The following FANCD2 variants were observed in gnomAD, a reference collection of about 807,000 sequenced individuals.
FANCD2 encodes FA complementation group D2.
In FANCD2, 131 loss-of-function variants were observed where a neutral mutation model predicts 192.3. The ratio of observed to expected loss-of-function variants is 0.68; its 90% confidence interval spans 0.59 to 0.79. The LOEUF (loss-of-function observed/expected upper bound fraction) is 0.79. Among genes scored for constraint, FANCD2 ranks in the 30% least tolerant of loss-of-function variants. The pLI, the probability that FANCD2 is intolerant of heterozygous loss-of-function variation, is 0.00. For synonymous variants in FANCD2, 524 were observed against 612.5 expected (o/e 0.86, Z 2.13); for missense variants, 1,508 against 1,701.6 (o/e 0.89, Z 2.00).
At chr3:10,101,098 G>T in intron 43 of FANCD2, 90 bp from the exon 44 acceptor site, 4 of 958,098 alleles carry the variant, frequency 4.2e-6, no homozygotes, top group Non-Finnish European at 6.7e-6. Context: ...AGTGATAATA[G>T]TACAGTTGTG....
At chr3:10,094,264 G>A (rs770626548) in intron 39 of FANCD2, 25 bp from the exon 40 acceptor site, 5 of 1,598,250 alleles carry the variant, frequency 3.1e-6, no homozygotes, top group Non-Finnish European at 4.3e-6. Flanking sequence ...TCAGCTAGAG[G>A]TAACAGTGTG....
At chr3:10,069,553 A>G (rs1009388407) in intron 26 of FANCD2, among the ~76,000 whole-genome samples, 51 of 145,136 alleles carry the variant, frequency 3.5e-4, no homozygotes, top group Admixed American at 2.1e-3. Flanking sequence ...GCTCACTGCA[A>G]CCTCCCTGCC....
At chr3:10,059,186 G>A (rs2087494046) in intron 18 of FANCD2, among the ~76,000 whole-genome samples, 1 of 151,848 alleles carries the variant, frequency 6.6e-6, no homozygotes, top group South Asian at 2.1e-4. Flanking sequence ...GCTAATTTTT[G>A]TATTTTCTAT....
In FANCD2 at chr3:10,087,279, TCC is replaced by T. The variant is rs77192427; in HGVS notation, c.3466+16_3466+17del. 2.6e-6 allele frequency: 4 copies of T among 1,512,126 alleles called. No homozygotes were observed. Among genetic ancestry groups the T allele is most frequent in the Admixed American group, 1.9e-5 (1 of 52,426 alleles). 93.7% of individuals were successfully genotyped at this position (1,512,126 alleles called of 1,614,324 possible). ...AGAAAAAATTGGTGATGGGCCTAGA[TCC>T]TTTTTTTTTTTTTTTTTTTAATGAA... On this transcript the variant is annotated intron_variant, in intron 34 of 43. Coordinates refer to ENST00000675286, the MANE Select transcript of FANCD2 (RefSeq NM_001018115.3).
At chr3:10,053,362 A>G (rs1575770272) in intron 18 of FANCD2, among the ~76,000 whole-genome samples, 1 of 119,260 alleles carries the variant, frequency 8.4e-6, no homozygotes, top group Non-Finnish European at 1.6e-5. Context: ...GGAACATCAC[A>G]CTCTGGGGAC....
intron 17 of FANCD2, among the ~76,000 whole-genome samples, chr3:10,051,539 A>T (rs2087217485): frequency 6.6e-6 from 1 of 152,112 alleles, no homozygotes; most frequent in African/African-American, 2.4e-5. Context: ...TTGAATTATA[A>T]GGGTGGAAGC....
Position 10,071,301 on chromosome 3 carries a change from A to G in FANCD2, c.2495-1570A>G, listed in dbSNP as rs117017234. Among the ~76,000 whole-genome samples the G allele has an allele frequency of 3.0e-3, 452 of 152,342 alleles. 7 individuals carry two copies. In the East Asian group the frequency reaches 0.033, roughly 11 times the overall value. ...GTTTGGAGTTTCCTCAAAAAACTAAAAATAGAATCACCATATGATCCAGGA... is the reference window on the plus strand; with the variant it reads ...GTTTGGAGTTTCCTCAAAAAACTAAGAATAGAATCACCATATGATCCAGGA... On this transcript the variant is annotated intron_variant, in intron 26 of 43. Transcript: ENST00000675286.
intron 36 of FANCD2, among the ~76,000 whole-genome samples, chr3:10,089,961 A>C (rs1208613373): frequency 6.6e-6 from 1 of 152,204 alleles, no homozygotes; most frequent in Non-Finnish European, 1.5e-5. Flanking sequence ...ACTGCTGAGG[A>C]AAATGAGAGC....
At chr3:10,043,181 C>G in intron 12 of FANCD2, 31 bp downstream of exon 12, 1 of 1,549,934 alleles carries the variant, frequency 6.5e-7, no homozygotes, top group Non-Finnish European at 8.9e-7. Context: ...CAGGATGTCA[C>G]AATTTTCTGA....
intron 32 of FANCD2, among the ~76,000 whole-genome samples, chr3:10,082,388 G>A (rs2125062134): frequency 6.6e-6 from 1 of 152,206 alleles, no homozygotes; most frequent in Admixed American, 6.5e-5. Context: ...GCCTCTCTCA[G>A]TCCATTCTTC....
chr3:10,034,347 A>AAAATT, intron 3 of FANCD2, 122 bp from the exon 4 acceptor site: 2 of 639,552 alleles, frequency 3.1e-6, no homozygotes, highest in South Asian at 1.6e-5. Context: ...AAAAAAAAAG[A>AAAATT]TTTGTCTCTG....
At chr3:10,057,977 T>G (rs2087461899) in intron 18 of FANCD2, 1 of 397,652 alleles carries the variant, frequency 2.5e-6, no homozygotes, top group Admixed American at 3.0e-5. Flanking sequence ...CAATTATTAC[T>G]CATTAGTAGC....
chr3:10,054,064 T>C (rs2087300709), intron 18 of FANCD2, among the ~76,000 whole-genome samples: 2 of 151,530 alleles, frequency 1.3e-5, no homozygotes, highest in African/African-American at 4.9e-5. Context: ...ATAGAAAAAT[T>C]AGCCAGGTGT....
chr3:10,094,112 A>G lies in FANCD2; in HGVS notation c.3889-177A>G, dbSNP rs56061908. On this transcript the variant is annotated intron_variant, in intron 39 of 43. Coordinates refer to ENST00000675286, the MANE Select transcript of FANCD2 (RefSeq NM_001018115.3). ...ATTCTGGGGCTTAGTTAACAGGCCT[A>G]TTTGATTTTTGTATTAAGTTACATT... is the stretch of plus-strand genomic sequence containing the variant. Among the ~76,000 whole-genome samples the G allele has an allele frequency of 6.8e-3, 1,041 of 152,276 alleles. 6 individuals are homozygous for G. Among genetic ancestry groups the G allele is most frequent in the Admixed American group, 8.2e-3 (125 of 15,300 alleles).
intron 5 of FANCD2, 58 bp from the exon 6 acceptor site, chr3:10,035,115 A>G: frequency 2.1e-6 from 3 of 1,398,636 alleles, no homozygotes; most frequent in Admixed American, 1.7e-5. Context: ...AGAAAAGATG[A>G]TAAAAGCATT....
chr3:10,100,930 G>A lies in FANCD2; in HGVS notation c.4282-258G>A, dbSNP rs147665840. ...ACCAAAATACAAAAATTAGCCGGGCGTGGTGGCACATGCCTGTAATCCCAG... is the reference window on the plus strand; with the variant it reads ...ACCAAAATACAAAAATTAGCCGGGCATGGTGGCACATGCCTGTAATCCCAG... On this transcript the variant is annotated intron_variant, in intron 43 of 43. Coordinates refer to ENST00000675286, the MANE Select transcript of FANCD2 (RefSeq NM_001018115.3). Among the ~76,000 whole-genome samples the A allele has an allele frequency of 3.6e-3, 549 of 152,196 alleles. 2 individuals are homozygous for A. The highest frequency in any genetic ancestry group is 0.02 in the South Asian group (95 of 4,822).
At chr3:10,047,448 C>T (rs919640357) in intron 15 of FANCD2, among the ~76,000 whole-genome samples, 1 of 152,292 alleles carries the variant, frequency 6.6e-6, no homozygotes, top group Non-Finnish European at 1.5e-5. Flanking sequence ...TAGTCTGGGT[C>T]CATTAATGTC....
intron 26 of FANCD2, among the ~76,000 whole-genome samples, chr3:10,068,036 C>G (rs1234558762): frequency 6.6e-6 from 1 of 151,970 alleles, no homozygotes; most frequent in African/African-American, 2.4e-5. Context: ...TTAAACTGAA[C>G]AGAAAAAAAC....
chr3:10,073,363 G>T lies in FANCD2; in HGVS notation c.2715+1G>T. ...ATCTCATAGAGGCCAGCTAAACAAGGTATTGGAATGATGGGTATCCGTGAA... is the reference window on the plus strand; with the variant it reads ...ATCTCATAGAGGCCAGCTAAACAAGTTATTGGAATGATGGGTATCCGTGAA... On this transcript the variant is annotated splice_donor_variant, in intron 28 of 43. Coordinates refer to ENST00000675286, the MANE Select transcript of FANCD2 (RefSeq NM_001018115.3). LOFTEE classifies it high-confidence loss of function. The T allele has an allele frequency of 1.3e-6, 2 of 1,593,204 alleles. No homozygotes were observed. The highest frequency in any genetic ancestry group is 2.2e-5 in the East Asian group (1 of 44,798).
Sources: allele counts gnomAD v4.1 joint callset (sites outside exome capture counted in the v4.1 genomes callset), GRCh38; gene constraint gnomAD v4.1.1; transcripts MANE v1.5; gene names NCBI Gene and HGNC (gene_info 2026-07-23, HGNC 2026-07-21).